The following MIPOL1 variants were observed in gnomAD, a reference collection of about 807,000 sequenced individuals.
MIPOL1 encodes mirror-image polydactyly gene 1 protein.
In MIPOL1, 57 loss-of-function variants were observed where a neutral mutation model predicts 60.9. The observed-to-expected ratio is 0.94, with a 90% CI of 0.76 to 1.17. The LOEUF (loss-of-function observed/expected upper bound fraction) is 1.17. MIPOL1 is among the 50% of genes most tolerant of loss of function. MIPOL1 has a pLI of 0.00. For missense variants in MIPOL1, 551 were observed against 511.6 expected, an observed-to-expected ratio of 1.08 and a Z score of -0.74; for synonymous variants, 179 against 168.8, an observed-to-expected ratio of 1.06 and a Z score of -0.47.
chr14:37,426,654 T>C (rs2093973833), intron 11 of MIPOL1, among the ~76,000 whole-genome samples: 1 of 144,924 alleles, frequency 6.9e-6, no homozygotes, highest in Non-Finnish European at 1.5e-5. Context: ...TATATGTGTA[T>C]ATATATATGC....
chr14:37,432,696 T>TA (rs879434284), intron 11 of MIPOL1, among the ~76,000 whole-genome samples: 62 of 149,418 alleles, frequency 4.1e-4, no homozygotes, highest in African/African-American at 4.4e-4. Flanking sequence ...AATTTAGAAT[T>TA]AAAAAAAAAA....
At chr14:37,465,023 T>C (rs757028361) in intron 11 of MIPOL1, among the ~76,000 whole-genome samples, 7 of 152,206 alleles carry the variant, frequency 4.6e-5, no homozygotes, top group Non-Finnish European at 8.8e-5. Context: ...CTCTCCCTTG[T>C]TCTGATCTGA....
chr14:37,396,405 G>T (rs1216528351), intron 10 of MIPOL1, among the ~76,000 whole-genome samples: 1 of 151,924 alleles, frequency 6.6e-6, no homozygotes, highest in African/African-American at 2.4e-5. Flanking sequence ...CAGCTCTTAA[G>T]GTTCTTTCTT....
chr14:37,465,240 T>C lies in MIPOL1; in HGVS notation c.1032-34668T>C, dbSNP rs534082566. 2.0e-5 allele frequency among the ~76,000 whole-genome samples: 3 copies of C among 152,272 alleles called. No individual in the cohort carries two copies. In the South Asian group the frequency reaches 6.2e-4, roughly 32 times the overall value. Reference sequence around the variant, plus strand: ...GAAACTCCTTGAAGTTGGAACATGGTGGAACATGGTGCCTTACTCTTTCAA... The same window carrying C: ...GAAACTCCTTGAAGTTGGAACATGGCGGAACATGGTGCCTTACTCTTTCAA... On this transcript the variant is annotated intron_variant, in intron 11 of 12. Coordinates refer to ENST00000684589, the MANE Select transcript of MIPOL1 (RefSeq NM_001388067.1).
rs144317823 is a variant in MIPOL1, at chr14:37,429,440, G to A, written c.1031+6491G>A. Among the ~76,000 whole-genome samples the A allele has an allele frequency of 2.0e-5, 3 of 152,200 alleles. No homozygotes were observed. The East Asian group carries it at 5.8e-4, about 29-fold the overall frequency. The stretch of plus-strand genomic sequence containing the variant: ...GTGATTCCATGTGTGAATTTGTAAT[G>A]CCATTCAGAATATGGTAAAGTTGAC... On this transcript the variant is annotated intron_variant, in intron 11 of 12. Transcript: ENST00000684589.
chr14:37,207,514 T>G (rs1966274437), intron 1 of MIPOL1, among the ~76,000 whole-genome samples: 1 of 149,688 alleles, frequency 6.7e-6, no homozygotes, highest in African/African-American at 2.5e-5. Context: ...TTTATCAGTT[T>G]AAACTTATTT....
intron 11 of MIPOL1, among the ~76,000 whole-genome samples, chr14:37,482,657 T>TG (rs1241274120): frequency 6.6e-6 from 1 of 152,148 alleles, no homozygotes; most frequent in African/African-American, 2.4e-5. Flanking sequence ...AGAACAGCAC[T>TG]GGGGAAACCA....
At chr14:37,283,390 A>G (rs1157950489) in intron 6 of MIPOL1, among the ~76,000 whole-genome samples, 3 of 152,074 alleles carry the variant, frequency 2.0e-5, no homozygotes, top group Non-Finnish European at 2.9e-5. Flanking sequence ...TGAAAGAGCC[A>G]CTGCACCCAG....
chr14:37,355,830 A>G (rs1413328276), intron 9 of MIPOL1, among the ~76,000 whole-genome samples: 2 of 150,342 alleles, frequency 1.3e-5, no homozygotes, highest in Admixed American at 6.7e-5. Context: ...CAAAGTTTTC[A>G]ACTTCTTTGC....
At position 37,520,734 on chromosome 14, in the gene MIPOL1, T is replaced by A. The variant is rs564855830; in HGVS notation, c.1262+20596T>A. On this transcript the variant is annotated intron_variant, in intron 12 of 12. Transcript: ENST00000684589. Reference sequence around the variant, plus strand: ...TTTATTTAAAACAATCTTTAATACTTATAATATGTAACATCACATGATGTT... The same window carrying A: ...TTTATTTAAAACAATCTTTAATACTAATAATATGTAACATCACATGATGTT... Among the ~76,000 whole-genome samples, 3 of 152,138 alleles carry A rather than the reference T, an allele frequency of 2.0e-5. No homozygotes were observed. The East Asian group carries it at 5.8e-4, about 29-fold the overall frequency.
intron 1 of MIPOL1, among the ~76,000 whole-genome samples, chr14:37,219,303 A>G (rs1168361258): frequency 3.3e-5 from 5 of 152,220 alleles, no homozygotes. Flanking sequence ...GTTGAGGGCT[A>G]GTATAGTAAA....
At chr14:37,286,448 G>C (rs2084572418) in intron 7 of MIPOL1, among the ~76,000 whole-genome samples, 1 of 152,258 alleles carries the variant, frequency 6.6e-6, no homozygotes, top group Middle Eastern at 3.4e-3. Flanking sequence ...CTAGTCTAAG[G>C]AATATGCTTT....
At chr14:37,292,481 T>C (rs1291523016) in intron 7 of MIPOL1, among the ~76,000 whole-genome samples, 4 of 141,462 alleles carry the variant, frequency 2.8e-5, no homozygotes, top group African/African-American at 1.0e-4. Context: ...TTTTTTTTTT[T>C]TTTTTTTTTG....
chr14:37,439,020 T>G (rs2094203256), intron 11 of MIPOL1, among the ~76,000 whole-genome samples: 1 of 152,202 alleles, frequency 6.6e-6, no homozygotes, highest in African/African-American at 2.4e-5. Context: ...GTATATGAAT[T>G]TATTAAGAGC....
intron 7 of MIPOL1, among the ~76,000 whole-genome samples, chr14:37,306,136 AC>A (rs900964700): frequency 3.5e-4 from 53 of 151,910 alleles, no homozygotes; most frequent in African/African-American, 1.2e-3. Flanking sequence ...ATTATCTTAA[AC>A]CTTTCCTATT....
chr14:37,404,303 G>A (rs2093549159), intron 10 of MIPOL1, among the ~76,000 whole-genome samples: 1 of 152,056 alleles, frequency 6.6e-6, no homozygotes, highest in African/African-American at 2.4e-5. Context: ...AGTCACCTAG[G>A]AAATATAAGC....
chr14:37,484,879 T>C (rs1027728605), intron 11 of MIPOL1, among the ~76,000 whole-genome samples: 1 of 152,190 alleles, frequency 6.6e-6, no homozygotes, highest in Admixed American at 6.5e-5. Context: ...AGTTCTGGGG[T>C]ACATGTGCAG....
intron 11 of MIPOL1, among the ~76,000 whole-genome samples, chr14:37,483,961 CT>C (rs2094911770): frequency 6.6e-6 from 1 of 152,174 alleles, no homozygotes; most frequent in African/African-American, 2.4e-5. Flanking sequence ...AAAGAAATGT[CT>C]GCATTTCCAT....
At chr14:37,534,732 C>G (rs1274781618) in intron 12 of MIPOL1, among the ~76,000 whole-genome samples, 1 of 152,136 alleles carries the variant, frequency 6.6e-6, no homozygotes, top group Non-Finnish European at 1.5e-5. Context: ...CAATCACTTT[C>G]TAATGTTGTT....
Sources: allele counts gnomAD v4.1 joint callset (sites outside exome capture counted in the v4.1 genomes callset), GRCh38; gene constraint gnomAD v4.1.1; transcripts MANE v1.5; gene names NCBI Gene and HGNC (gene_info 2026-07-23, HGNC 2026-07-21).